Variants in ANO5 observed in about 807,000 individuals in gnomAD.
ANO5 encodes anoctamin 5, also known as anoctamin-5.
In ANO5, 109 loss-of-function variants were observed where a neutral mutation model predicts 121.0. That is an observed-to-expected ratio of 0.90 (90% CI 0.77 to 1.06). The LOEUF (loss-of-function observed/expected upper bound fraction) is 1.06, where lower values mean the gene tolerates loss of function less well. ANO5 is among the 50% of genes least tolerant of loss of function. The pLI is 0.00. For missense variants in ANO5, 1,064 were observed against 1,078.5 expected, an observed-to-expected ratio of 0.99 and a Z score of 0.19; for synonymous variants, 406 against 359.9, an observed-to-expected ratio of 1.13 and a Z score of -1.45.
rs1564940553 is a variant in ANO5, at chr11:22,257,703, A to G, written c.1356A>G (p.Leu452=). The part of the protein sequence containing the change: ...VTKEMEPYMP[L]YTRIPWYFLS... ...AGGAGATGGAACCTTACATGCCTCTATACACGCGTATTCCATGGTACTTTC... is the reference window on the plus strand; with the variant it reads ...AGGAGATGGAACCTTACATGCCTCTGTACACGCGTATTCCATGGTACTTTC... Residue 452 remains leucine, a synonymous_variant, in exon 14 of 22, where the codon CTA becomes CTG. Coordinates refer to ENST00000324559, the MANE Select transcript of ANO5 (RefSeq NM_213599.3). The G allele has an allele frequency of 6.2e-7, 1 of 1,612,410 alleles. No individual in the cohort carries two copies. The highest frequency in any genetic ancestry group is 2.2e-5 in the East Asian group (1 of 44,830).
At chr11:22,227,608 G>A (rs1852887720) in intron 7 of ANO5, 22 bp downstream of exon 7, 3 of 1,611,518 alleles carry the variant, frequency 1.9e-6, no homozygotes, top group East Asian at 2.2e-5. Context: ...AGACCTTTGG[G>A]CACATCCCTT....
chr11:22,227,629 A>G (rs1306341511), intron 7 of ANO5, 43 bp downstream of exon 7: 3 of 1,599,534 alleles, frequency 1.9e-6, no homozygotes, highest in African/African-American at 2.7e-5. Flanking sequence ...CAAATACGAG[A>G]TGTATGCTTG....
In ANO5 at chr11:22,259,723, G is replaced by T. The variant is rs1441160065; in HGVS notation, c.1612G>T (p.Ala538Ser). 2 of 1,613,132 alleles carry T rather than the reference G, an allele frequency of 1.2e-6. No individual in the cohort carries two copies. The highest frequency in any genetic ancestry group is 1.7e-6 in the Non-Finnish European group (2 of 1,179,326). Residue 538 changes from alanine (A) to serine (S), a missense_variant, in exon 15 of 22, where the codon GCC (alanine) becomes TCC (serine). Ala to Ser is a moderately conservative substitution (Grantham distance 99). Transcript: ENST00000324559. ...GAATTTCTTTTATGAAAAGATATCT[G>T]CCTGGATCACAAAAATGGGTAAGCT... ...ILNFFYEKISAWITKMEIPRT... is the reference protein window; with the variant it reads ...ILNFFYEKISSWITKMEIPRT...
chr11:22,253,966 G>A (rs1853909991), intron 12 of ANO5, among the ~76,000 whole-genome samples: 1 of 152,012 alleles, frequency 6.6e-6, no homozygotes, highest in South Asian at 2.1e-4. Context: ...AGATGAATAA[G>A]GTCTGTACAA....
chr11:22,281,948 T>C lies in ANO5; in HGVS notation c.*2183T>C, dbSNP rs1855096129. 6.6e-6 allele frequency: 1 copy of C among 152,142 alleles called. No homozygotes were observed. Among genetic ancestry groups the C allele is most frequent in the East Asian group, 1.9e-4 (1 of 5,204 alleles). The allele number at this position is 152,142 out of a possible 1,614,324, so 9.4% of individuals were successfully genotyped here. On this transcript the variant is annotated 3_prime_UTR_variant, in exon 22 of 22. Coordinates refer to ENST00000324559, the MANE Select transcript of ANO5 (RefSeq NM_213599.3). ...TTTTTATTCACCTTTAAATTTCTTA[T>C]CAAGAAGTTTATCTTTGTTTTTCAG...
At chr11:22,246,388 C>A (rs1359138453) in intron 9 of ANO5, among the ~76,000 whole-genome samples, 1 of 152,056 alleles carries the variant, frequency 6.6e-6, no homozygotes. Context: ...AGGTTTGTAG[C>A]AGCAGGTGTT....
chr11:22,274,735 T>C lies in ANO5; in HGVS notation c.2402T>C (p.Phe801Ser). 6.2e-7 allele frequency: 1 copy of C among 1,613,360 alleles called. No individual in the cohort carries two copies. Among genetic ancestry groups the C allele is most frequent in the Non-Finnish European group, 8.5e-7 (1 of 1,179,510 alleles). The stretch of plus-strand genomic sequence containing the variant: ...ACTGCACCTTCGGAAAAACGAGACT[T>C]CATCACTTGCAGGTGATTTGTTTGT... ...NHTAPSEKRDFITCRYRDYRY... is the reference protein window; with the variant it reads ...NHTAPSEKRDSITCRYRDYRY... The change falls in exon 20 of 22, where the codon TTC becomes TCC. Residue 801 changes from phenylalanine to serine, a missense_variant. Coordinates refer to ENST00000324559, the MANE Select transcript of ANO5 (RefSeq NM_213599.3).
At chr11:22,195,471 C>A (rs1851781764) in intron 1 of ANO5, among the ~76,000 whole-genome samples, 1 of 151,914 alleles carries the variant, frequency 6.6e-6, no homozygotes, top group South Asian at 2.1e-4. Context: ...CTCTATTGCC[C>A]AGGCTGTAAT....
At chr11:22,251,187 C>T (rs1436442630) in intron 12 of ANO5, among the ~76,000 whole-genome samples, 176 bp downstream of exon 12, 1 of 152,124 alleles carries the variant, frequency 6.6e-6, no homozygotes, top group African/African-American at 2.4e-5. Context: ...AGTTCTTGGT[C>T]CACAAAGGTC....
chr11:22,279,518 TA>T, intron 21 of ANO5, 25 bp from the exon 22 acceptor site: 1 of 1,579,402 alleles, frequency 6.3e-7, no homozygotes, highest in Non-Finnish European at 8.7e-7. Context: ...TAACAGCGTC[TA>T]ATCTTTCCTT....
At chr11:22,227,642 T>C in intron 7 of ANO5, 56 bp downstream of exon 7, 2 of 1,586,674 alleles carry the variant, frequency 1.3e-6, no homozygotes, top group Non-Finnish European at 1.7e-6. Flanking sequence ...TATGCTTGTG[T>C]GTGCTTTTAT....
chr11:22,281,712 A>G lies in ANO5; in HGVS notation c.*1947A>G, dbSNP rs1185281974. The G allele has an allele frequency of 6.6e-6, 1 of 152,118 alleles. No individual in the cohort carries two copies. Among genetic ancestry groups the G allele is most frequent in the Admixed American group, 6.6e-5 (1 of 15,264 alleles). 9.4% of individuals were successfully genotyped at this position (152,118 alleles called of 1,614,324 possible). On this transcript the variant is annotated 3_prime_UTR_variant, in exon 22 of 22. Transcript: ENST00000324559. ...TAAGCTTTAATTTTTAAGGCTTAAA[A>G]GTATTCATAGAGGTAGACTGTATGA...
chr11:22,206,325 C>T (rs1037850795), intron 2 of ANO5, among the ~76,000 whole-genome samples: 10 of 78,770 alleles, frequency 1.3e-4, no homozygotes, highest in Admixed American at 7.1e-4. Context: ...TTTTTGTGTG[C>T]GTGTGGAAAG....
chr11:22,217,029 T>C (rs4922985), intron 3 of ANO5, among the ~76,000 whole-genome samples: 102,731 of 151,768 alleles, frequency 0.68, 36,743 homozygotes, highest in Non-Finnish European at 0.81. Flanking sequence ...GGTTAAAATA[T>C]ATTTTATGTA....
At position 22,221,207 on chromosome 11, in the gene ANO5, G is replaced by A. The variant is rs1170788796; in HGVS notation, c.291G>A (p.Lys97=). Reference sequence around the variant, plus strand: ...ATGTAAAGAAAGACGCAGAGTTAAAGGCGGTAAGTGCATTATAACAGAAGT... The same window carrying A: ...ATGTAAAGAAAGACGCAGAGTTAAAAGCGGTAAGTGCATTATAACAGAAGT... ...VDDVKKDAEL[K]AERRKEFETN... The change falls in exon 5 of 22, where the codon AAG becomes AAA. Residue 97 remains lysine, a synonymous_variant. Coordinates refer to ENST00000324559, the MANE Select transcript of ANO5 (RefSeq NM_213599.3). 1 of 1,597,306 alleles carries A rather than the reference G, an allele frequency of 6.3e-7. No individual in the cohort carries two copies. The highest frequency in any genetic ancestry group is 1.1e-5 in the South Asian group (1 of 90,710).
In ANO5 at chr11:22,221,344, T is replaced by C. The variant is rs1382363739; in HGVS notation, c.294+134T>C. On this transcript the variant is annotated intron_variant, in intron 5 of 21. Transcript: ENST00000324559. ...TACTGAAAACTGAAACTGAATGAGA[T>C]AACTGTAAAGTAGGCAGCCTAAGAA... 3 of 761,320 alleles carry C rather than the reference T, an allele frequency of 3.9e-6. No individual in the cohort carries two copies. In the African/African-American group the frequency reaches 5.3e-5, roughly 13 times the overall value. 47.2% of individuals were successfully genotyped at this position (761,320 alleles called of 1,614,324 possible).
At chr11:22,269,723 CAATT>C (rs1854539758) in intron 17 of ANO5, among the ~76,000 whole-genome samples, 1 of 151,874 alleles carries the variant, frequency 6.6e-6, no homozygotes, top group Non-Finnish European at 1.5e-5. Context: ...TTTTCTGCAT[CAATT>C]GAGATGATTT....
chr11:22,210,254 G>A (rs1409445721), intron 2 of ANO5, among the ~76,000 whole-genome samples: 1 of 151,878 alleles, frequency 6.6e-6, no homozygotes, highest in Non-Finnish European at 1.5e-5. Flanking sequence ...ATAGTGGTAT[G>A]AAAATTGTAC....
intron 1 of ANO5, among the ~76,000 whole-genome samples, chr11:22,197,538 C>T (rs1851849820): frequency 6.6e-6 from 1 of 152,088 alleles, no homozygotes. Context: ...AGGTTGTTTG[C>T]ATCTTTACGG....
Sources: gnomAD v4.1 joint callset for allele counts (sites outside exome capture counted in the v4.1 genomes callset) on GRCh38, gnomAD v4.1.1 for gene constraint, MANE v1.5 for transcripts, NCBI Gene and HGNC (gene_info 2026-07-23, HGNC 2026-07-21) for gene names.